The following SMN2 variants were observed in gnomAD, a reference collection of about 807,000 sequenced individuals.
SMN2 encodes the protein survival motor neuron protein.
A neutral mutation model predicts 2.8 loss-of-function variants in SMN2; 1 was observed. That is an observed-to-expected ratio of 0.35 (90% CI 0.13 to 1.68). The LOEUF (loss-of-function observed/expected upper bound fraction) is 1.68, where lower values mean the gene tolerates loss of function less well. Ranked by LOEUF, SMN2 falls within the 40% of genes most tolerant of loss-of-function variation. The pLI is 0.35. For synonymous variants in SMN2, 5 were observed against 5.0 expected (o/e 0.99, Z 0.01); for missense variants, 12 against 16.9 (o/e 0.71, Z 0.51).
At chr5:70,074,979 C>T (rs1378588262) in intron 7 of SMN2, among the ~76,000 whole-genome samples, 6 of 125,510 alleles carry the variant, frequency 4.8e-5, no homozygotes, top group East Asian at 4.4e-4. Context: ...GCAACAAGAG[C>T]GAAACTCCGT....
At chr5:70,079,744 C>T (rs1180179468), downstream of SMN2, among the ~76,000 whole-genome samples, 1 of 127,496 alleles carries the variant, frequency 7.8e-6, no homozygotes, top group Admixed American at 8.0e-5. Flanking sequence ...GGGCAACAGA[C>T]TGAGACCCTG....
chr5:70,088,491 G>A, the SMN2 span, among the ~76,000 whole-genome samples: 2 of 70,448 alleles, frequency 2.8e-5, no homozygotes, highest in Non-Finnish European at 4.7e-5. Context: ...AGGCTGGAGT[G>A]CAGTGGCGTG....
downstream of SMN2, among the ~76,000 whole-genome samples, chr5:70,078,983 C>A (rs1237823519): frequency 6.7e-4 from 2 of 2,974 alleles, no homozygotes; most frequent in African/African-American, 3.5e-3. Context: ...ACTCCTGACC[C>A]CAGGTAATCC....
rs1317601430 is a variant in SMN2, at chr5:70,075,105, T to C, written c.835-1416T>C. 1.7e-5 allele frequency among the ~76,000 whole-genome samples: 2 copies of C among 116,710 alleles called. 1 individual carries two copies. Among genetic ancestry groups the C allele is most frequent in the African/African-American group, 7.3e-5 (2 of 27,520 alleles). 76.6% of individuals were successfully genotyped at this position (116,710 alleles called of 152,430 possible). On this transcript the variant is annotated intron_variant, in intron 7 of 8. Transcript: ENST00000380743. ...GTGCAATGGTGCAATCTCGGCTCAC[T>C]GCAACCTCCGCCTCCTGGGTTCAAG...
the SMN2 span, among the ~76,000 whole-genome samples, chr5:70,083,748 A>G: frequency 3.8e-5 from 5 of 130,118 alleles, no homozygotes; most frequent in African/African-American, 6.9e-5. Context: ...TGGGAATTGA[A>G]CAATGAGAAC....
chr5:70,083,677 T>C, the SMN2 span, among the ~76,000 whole-genome samples: 13 of 132,482 alleles, frequency 9.8e-5, no homozygotes, highest in South Asian at 2.3e-4. Flanking sequence ...TTGGAAATCA[T>C]CATTCTCAGT....
At chr5:70,088,424 C>CTT in the SMN2 span, among the ~76,000 whole-genome samples, 297 of 36,688 alleles carry the variant, frequency 8.1e-3, 19 homozygotes, top group African/African-American at 0.016. Context: ...AAGTTTCAAA[C>CTT]TTTTTTTTTT....
Position 70,076,757 on chromosome 5 carries a change from C to T in SMN2, c.*3+183C>T, listed in dbSNP as rs369745691. On this transcript the variant is annotated intron_variant, in intron 8 of 8. Transcript: ENST00000380743. ...TTAGATAAAAGGTTAATCTACATCC[C>T]TACTAGAATTCTCATACTTAACTGG... is the stretch of plus-strand genomic sequence containing the variant. The T allele has an allele frequency of 1.1e-4, 138 of 1,273,962 alleles. 18 individuals are homozygous for T. The East Asian group carries it at 2.6e-3, about 24-fold the overall frequency. The allele number at this position is 1,273,962 out of a possible 1,614,324, so 78.9% of individuals were successfully genotyped here. A position where few individuals can be genotyped will look rare whatever the true frequency, so the allele number is the denominator to read the frequency against.
At chr5:70,070,866 T>TA (rs1331772015) in intron 7 of SMN2, 115 bp downstream of exon 7, 1 of 37,206 alleles carries the variant, frequency 2.7e-5, no homozygotes, top group East Asian at 5.7e-4. Flanking sequence ...AAAATAAAAA[T>TA]AAAAAAATAC....
chr5:70,076,588 C>T lies in SMN2; in HGVS notation c.*3+14C>T, dbSNP rs1774762554. 6.9e-7 allele frequency: 1 copy of T among 1,447,510 alleles called. No individual in the cohort carries two copies. The highest frequency in any genetic ancestry group is 9.4e-7 in the Non-Finnish European group (1 of 1,064,318). 89.7% of individuals were successfully genotyped at this position (1,447,510 alleles called of 1,614,324 possible). A position where few individuals can be genotyped will look rare whatever the true frequency, so the allele number is the denominator to read the frequency against. On this transcript the variant is annotated intron_variant, in intron 8 of 8. Transcript: ENST00000380743. ...TTAAATTAAGGAGTAAGTCTGCCAGCATTATGAAAGTGAATCTTACTTTTG... is the reference window on the plus strand; with the variant it reads ...TTAAATTAAGGAGTAAGTCTGCCAGTATTATGAAAGTGAATCTTACTTTTG...
At chr5:70,084,189 T>G in the SMN2 span, among the ~76,000 whole-genome samples, 1 of 47,040 alleles carries the variant, frequency 2.1e-5, no homozygotes, top group Non-Finnish European at 3.7e-5. Flanking sequence ...ATTTAAATTG[T>G]TTTTTTTTTT....
rs1212688337 is a variant in SMN2 at position 70,077,580 on chromosome 5, AT to A, written c.*574del. 8.0e-5 allele frequency: 7 copies of A among 88,046 alleles called. No individual in the cohort carries two copies. The highest frequency in any genetic ancestry group is 2.5e-4 in the East Asian group (1 of 3,950). The allele number at this position is 88,046 out of a possible 1,614,324, so 5.5% of individuals were successfully genotyped here. On this transcript the variant is annotated 3_prime_UTR_variant, in exon 9 of 9. Transcript: ENST00000380743. The stretch of plus-strand genomic sequence containing the variant: ...TAAAAGTATATAATAAAAATATTTA[AT>A]TTTTTTTTAAATTAGCTGTATCTGT...
At chr5:70,088,383 A>G in the SMN2 span, among the ~76,000 whole-genome samples, 5 of 102,106 alleles carry the variant, frequency 4.9e-5, no homozygotes, top group Non-Finnish European at 9.4e-5. Flanking sequence ...AAGAGTTTAC[A>G]GGGCTCAGAA....
chr5:70,074,851 G>T (rs1294480516), intron 7 of SMN2, among the ~76,000 whole-genome samples: 2 of 119,380 alleles, frequency 1.7e-5, no homozygotes, highest in East Asian at 4.8e-4. Context: ...AACTAGCCGG[G>T]CATGGTGGCG....
chr5:70,082,709 AT>A (rs1404797119), downstream of SMN2, among the ~76,000 whole-genome samples: 1 of 78,118 alleles, frequency 1.3e-5, no homozygotes, highest in Non-Finnish European at 2.3e-5. Flanking sequence ...CGGTGGTGAT[AT>A]CCCCTTTATC....
At chr5:70,077,728 T>C (rs1774798126), downstream of SMN2, 1 of 124,948 alleles carries the variant, frequency 8.0e-6, no homozygotes, top group Non-Finnish European at 1.6e-5. Flanking sequence ...TTCATGTCTT[T>C]ACATATTCTT....
In SMN2 at chr5:70,075,955, G is replaced by A. The variant is rs1398049223; in HGVS notation, c.835-566G>A. 2.3e-4 allele frequency among the ~76,000 whole-genome samples: 29 copies of A among 125,592 alleles called. 4 individuals carry two copies. Among genetic ancestry groups the A allele is most frequent in the African/African-American group, 1.0e-3 (29 of 27,738 alleles). 82.4% of individuals were successfully genotyped at this position (125,592 alleles called of 152,430 possible). ...TGCAGCCTCCGCCTCCTGGGTTCAA[G>A]TGATTCTCCTGCCTCAACCTCCCAA... On this transcript the variant is annotated intron_variant, in intron 7 of 8. Coordinates refer to ENST00000380743, the MANE Select transcript of SMN2 (RefSeq NM_017411.4).
chr5:70,085,121 G>A, the SMN2 span, among the ~76,000 whole-genome samples: 1 of 130,804 alleles, frequency 7.6e-6, no homozygotes, highest in Non-Finnish European at 1.6e-5. Flanking sequence ...CTATATAGTG[G>A]TATTCCAAGG....
the SMN2 span, among the ~76,000 whole-genome samples, chr5:70,085,018 A>C: frequency 4.4e-5 from 6 of 137,524 alleles, 2 homozygotes; most frequent in African/African-American, 1.8e-4. Context: ...CCTTTTTGAA[A>C]GCAGTTTATA....
Sources: gnomAD v4.1 joint callset for allele counts (sites outside exome capture counted in the v4.1 genomes callset) on GRCh38, gnomAD v4.1.1 for gene constraint, MANE v1.5 for transcripts, NCBI Gene and HGNC (gene_info 2026-07-23, HGNC 2026-07-21) for gene names.